Variants in TIMM23 observed in about 807,000 individuals in gnomAD.
The protein encoded by TIMM23 is mitochondrial import inner membrane translocase subunit Tim23.
In TIMM23, 19 loss-of-function variants were observed where a neutral mutation model predicts 30.7. The ratio of observed to expected loss-of-function variants is 0.62; its 90% CI spans 0.43 to 0.91. The LOEUF is 0.91. Among genes scored for constraint, TIMM23 ranks in the 40% least tolerant of loss-of-function variants. TIMM23 has a pLI of 0.00. For synonymous variants in TIMM23, 78 were observed against 98.5 expected (o/e 0.79, Z 1.23); for missense variants, 202 against 269.2 (o/e 0.75, Z 1.75).
At position 45,972,651 on chromosome 10, in the gene TIMM23, C is replaced by G. The variant is rs149000982; in HGVS notation, c.27C>G (p.Asn9Lys). 6.2e-7 allele frequency: 1 copy of G among 1,613,932 alleles called. No individual in the cohort carries two copies. Residue 9 changes from asparagine (N) to lysine (K), a missense_variant, in exon 1 of 7, where the codon AAC becomes AAG. Asn to Lys is a moderately conservative substitution (Grantham distance 94). Coordinates refer to ENST00000580018, the MANE Select transcript of TIMM23 (RefSeq NM_006327.4). MEGGGGSGNKTTGGLAGFF... is the reference protein window; with the variant it reads MEGGGGSGKKTTGGLAGFF... ...TGGAAGGAGGCGGGGGAAGCGGCAACAAAACCACAGGGGGATTGGCCGGCT... is the reference window on the plus strand; with the variant it reads ...TGGAAGGAGGCGGGGGAAGCGGCAAGAAAACCACAGGGGGATTGGCCGGCT...
chr10:45,987,787 T>C (rs1173063102), intron 5 of TIMM23, among the ~76,000 whole-genome samples: 15 of 151,854 alleles, frequency 9.9e-5, no homozygotes, highest in Non-Finnish European at 1.8e-4. Flanking sequence ...ACTAATTTTT[T>C]TTTAAATTTT....
intron 4 of TIMM23, among the ~76,000 whole-genome samples, chr10:45,983,616 A>G (rs1460242014): frequency 1.3e-5 from 2 of 152,186 alleles, no homozygotes; most frequent in Non-Finnish European, 2.9e-5. Context: ...AATCATGAGT[A>G]TGTATTCTTC....
rs1443606671 is a variant in TIMM23, at chr10:45,985,634, C to T, written c.403+193C>T. 1.8e-3 allele frequency among the ~76,000 whole-genome samples: 267 copies of T among 152,230 alleles called. 1 individual carries two copies. The highest frequency in any genetic ancestry group is 3.4e-3 in the Middle Eastern group (1 of 294). On this transcript the variant is annotated intron_variant, in intron 5 of 6. Transcript: ENST00000580018. ...ATGAAATAATCTCAGGTGCTAATAC[C>T]GTTCTGAATACCATTGCTGAATTTT...
chr10:45,975,627 C>G, intron 2 of TIMM23, 115 bp downstream of exon 2: 1 of 1,342,430 alleles, frequency 7.4e-7, no homozygotes, highest in African/African-American at 1.5e-5. Flanking sequence ...AGTCTCTGGT[C>G]TCCATTCACC....
intron 2 of TIMM23, among the ~76,000 whole-genome samples, chr10:45,979,160 T>C (rs1554913597): frequency 2.6e-5 from 4 of 152,176 alleles, no homozygotes; most frequent in African/African-American, 9.7e-5. Context: ...GGGTATGTGA[T>C]TTTTTTGGGG....
rs1290794215 is a variant in TIMM23, at chr10:45,982,137, A to C, written c.166-386A>C. The stretch of plus-strand genomic sequence containing the variant: ...TGTGAACATTTGGCTTTATACATAG[A>C]AAAATGCACAATAAATAGCTGCTAC... On this transcript the variant is annotated intron_variant, in intron 2 of 6. Transcript: ENST00000580018. Among the ~76,000 whole-genome samples, 40 of 152,318 alleles carry C rather than the reference A, an allele frequency of 2.6e-4. No individual in the cohort carries two copies. In the East Asian group the frequency reaches 6.8e-3, roughly 26 times the overall value.
At chr10:46,002,630 C>A (rs997411051) in intron 6 of TIMM23, 6 of 389,040 alleles carry the variant, frequency 1.5e-5, no homozygotes, top group East Asian at 1.6e-4. Flanking sequence ...AACGACTGTT[C>A]TAGTTGGAAC....
At chr10:45,977,870 A>G (rs1837720857) in intron 2 of TIMM23, among the ~76,000 whole-genome samples, 1 of 151,780 alleles carries the variant, frequency 6.6e-6, no homozygotes, top group Non-Finnish European at 1.5e-5. Flanking sequence ...CATCTCTACT[A>G]AAAAACAAAA....
chr10:45,993,985 A>T (rs1479615293), intron 6 of TIMM23, among the ~76,000 whole-genome samples: 7 of 152,212 alleles, frequency 4.6e-5, no homozygotes, highest in African/African-American at 7.2e-5. Context: ...TGGGTGATAG[A>T]GTGAGACTCC....
chr10:45,983,017 A>G, intron 4 of TIMM23, 87 bp downstream of exon 4: 1 of 1,564,276 alleles, frequency 6.4e-7, no homozygotes, highest in Non-Finnish European at 8.8e-7. Context: ...TTGAGATTAC[A>G]GATGGTTAGC....
In TIMM23 at chr10:45,985,403, G is replaced by C; in HGVS notation, c.365G>C (p.Arg122Thr). ...GATAGGATTTTGAATATGGTGACTA[G>C]GCAAGGGGCACTTTGGGCTAATACT... ...RNVQILNMVTRQGALWANTLG... is the reference protein window; with the variant it reads ...RNVQILNMVTTQGALWANTLG... The change falls in exon 5 of 7, where the codon AGG becomes ACG. Residue 122 changes from arginine to threonine, a missense_variant. Arg to Thr is a moderately conservative substitution (Grantham distance 71). Transcript: ENST00000580018. 6.2e-7 allele frequency: 1 copy of C among 1,613,454 alleles called. No individual in the cohort carries two copies. Among genetic ancestry groups the C allele is most frequent in the Non-Finnish European group, 8.5e-7 (1 of 1,179,562 alleles).
rs1228838966 is a variant in TIMM23 at position 45,982,671 on chromosome 10, C to T, written c.259+55C>T. The stretch of plus-strand genomic sequence containing the variant: ...TGCTCAGTTCAAGTAGTTGAGGGTG[C>T]GTAAAATCAAAAGCAATTAGAATGT... On this transcript the variant is annotated intron_variant, in intron 3 of 6. Coordinates refer to ENST00000580018, the MANE Select transcript of TIMM23 (RefSeq NM_006327.4). The T allele has an allele frequency of 1.4e-5, 22 of 1,602,540 alleles. 1 individual carries two copies. The highest frequency in any genetic ancestry group is 8.9e-5 in the South Asian group (8 of 90,174).
At chr10:45,984,521 A>G (rs1469664424) in intron 4 of TIMM23, 1 of 152,374 alleles carries the variant, frequency 6.6e-6, no homozygotes, top group Non-Finnish European at 1.5e-5. Flanking sequence ...AGAAAATACA[A>G]ATTTTTGTTT....
At chr10:45,998,674 A>G (rs1838419632) in intron 6 of TIMM23, among the ~76,000 whole-genome samples, 1 of 152,198 alleles carries the variant, frequency 6.6e-6, no homozygotes, top group Non-Finnish European at 1.5e-5. Flanking sequence ...AAGTACAAAC[A>G]CCAATGTTTA....
chr10:45,985,529 T>A, intron 5 of TIMM23, 88 bp downstream of exon 5: 1 of 1,460,536 alleles, frequency 6.8e-7, no homozygotes, highest in South Asian at 1.1e-5. Context: ...ATTCTGGTCC[T>A]AGGATATGAG....
In TIMM23 at chr10:46,003,381, G is replaced by A. The variant is rs1293152464; in HGVS notation, c.*63G>A. 3 of 1,151,712 alleles carry A rather than the reference G, an allele frequency of 2.6e-6. No homozygotes were observed. Among genetic ancestry groups the A allele is most frequent in the African/African-American group, 1.5e-5 (1 of 64,526 alleles). 71.3% of individuals were successfully genotyped at this position (1,151,712 alleles called of 1,614,324 possible). On this transcript the variant is annotated 3_prime_UTR_variant, in exon 7 of 7. Coordinates refer to ENST00000580018, the MANE Select transcript of TIMM23 (RefSeq NM_006327.4). Reference sequence around the variant, plus strand: ...GTCATCTAGATCCTTTTATAAGACAGTTTGGAGTTATTCTCTCTCTTCTAC... The same window carrying A: ...GTCATCTAGATCCTTTTATAAGACAATTTGGAGTTATTCTCTCTCTTCTAC...
At chr10:45,973,784 T>C (rs1380869042) in intron 1 of TIMM23, among the ~76,000 whole-genome samples, 1 of 151,270 alleles carries the variant, frequency 6.6e-6, no homozygotes, top group Non-Finnish European at 1.5e-5. Flanking sequence ...GCTGGGACTC[T>C]AGGTACGTAC....
intron 6 of TIMM23, among the ~76,000 whole-genome samples, chr10:45,995,138 G>T (rs1249706834): frequency 6.6e-6 from 1 of 151,526 alleles, no homozygotes; most frequent in South Asian, 2.1e-4. Context: ...GAATTAATGA[G>T]TATTCTTTTT....
Position 45,975,469 on chromosome 10 carries a change from C to G in TIMM23, c.122C>G (p.Pro41Arg). ...LAGVPLTGMN[P>R]LSPYLNVDPR... ...TTCTCTCTAGTAACTGGTATGAACC[C>G]TCTGTCTCCTTATTTAAATGTGGAT... The change falls in exon 2 of 7, where the codon CCT becomes CGT. Residue 41 changes from proline to arginine, a missense_variant. Pro to Arg is a moderately radical substitution (Grantham distance 103). Transcript: ENST00000580018. 2.5e-6 allele frequency: 4 copies of G among 1,613,814 alleles called. No homozygotes were observed. The highest frequency in any genetic ancestry group is 3.4e-6 in the Non-Finnish European group (4 of 1,179,860).
Sources: gnomAD v4.1 joint callset for allele counts (sites outside exome capture counted in the v4.1 genomes callset) on GRCh38, gnomAD v4.1.1 for gene constraint, MANE v1.5 for transcripts, NCBI Gene and HGNC (gene_info 2026-07-23, HGNC 2026-07-21) for gene names.